The following PARVB variants were observed in gnomAD, a reference collection of about 807,000 sequenced individuals.
PARVB encodes parvin beta.
A neutral mutation model predicts 47.0 loss-of-function variants in PARVB; 46 were observed. That is an observed-to-expected ratio of 0.98 (90% confidence interval 0.77 to 1.25). The LOEUF (loss-of-function observed/expected upper bound fraction) is 1.25. PARVB is among the 50% of genes most tolerant of loss of function. The probability of loss-of-function intolerance (pLI) is 0.00; values close to 1 mark genes in which losing one functional copy is unlikely to be tolerated. For missense variants in PARVB, 473 were observed against 471.6 expected, an observed-to-expected ratio of 1.00 and a Z score of -0.03; for synonymous variants, 196 against 196.3, an observed-to-expected ratio of 1.00 and a Z score of 0.01.
At chr22:44,030,898 C>G (rs1391685487) in intron 1 of PARVB, among the ~76,000 whole-genome samples, 1 of 151,984 alleles carries the variant, frequency 6.6e-6, no homozygotes, top group East Asian at 1.9e-4. Flanking sequence ...TTGGGAAGGC[C>G]AGCGGGCCTC....
chr22:44,024,569 C>A, intron 1 of PARVB, 118 bp downstream of exon 1: 1 of 374,458 alleles, frequency 2.7e-6, no homozygotes, highest in African/African-American at 2.2e-5. Flanking sequence ...CCGGCCCACG[C>A]GGCTGCGCGA....
At chr22:44,022,408 T>A (rs1450018501), upstream of PARVB, among the ~76,000 whole-genome samples, 7 of 152,108 alleles carry the variant, frequency 4.6e-5, no homozygotes, top group Admixed American at 4.6e-4. Context: ...ATCCACATGG[T>A]CCCTGTCCCT....
At chr22:44,044,027 TA>T (rs1350656414) in intron 1 of PARVB, among the ~76,000 whole-genome samples, 1 of 152,114 alleles carries the variant, frequency 6.6e-6, no homozygotes, top group African/African-American at 2.4e-5. Flanking sequence ...TTGAGATAGG[TA>T]TGATAATATG....
intron 1 of PARVB, among the ~76,000 whole-genome samples, chr22:44,039,360 G>A (rs2050976607): frequency 6.6e-6 from 1 of 152,062 alleles, no homozygotes; most frequent in Non-Finnish European, 1.5e-5. Flanking sequence ...AGACCAGTCT[G>A]GCCAACATGA....
At chr22:44,067,136 C>T (rs1300800177) in intron 1 of PARVB, among the ~76,000 whole-genome samples, 1 of 152,190 alleles carries the variant, frequency 6.6e-6, no homozygotes, top group African/African-American at 2.4e-5. Context: ...ACCACTGTGC[C>T]AGGCCCCTTT....
rs909852 is a variant in PARVB, at chr22:44,155,036, G to T, written c.844-2946G>T. 2.4e-5 allele frequency among the ~76,000 whole-genome samples: 1 copy of T among 40,912 alleles called. No homozygotes were observed. The highest frequency in any genetic ancestry group is 5.0e-5 in the Non-Finnish European group (1 of 19,892). 26.8% of individuals were successfully genotyped at this position (40,912 alleles called of 152,430 possible). A position where few individuals can be genotyped will look rare whatever the true frequency, so the allele number is the denominator to read the frequency against. On this transcript the variant is annotated intron_variant, in intron 10 of 12. Transcript: ENST00000338758. The surrounding 1 kb of genome is among the most constrained non-coding windows in gnomAD (Gnocchi z 4.8). Reference sequence around the variant, plus strand: ...GTGTGTGGTTTTTGTAGTCTGTGTGGTGTGTGTGTGTGTGTGTGTGTGGTT... The same window carrying T: ...GTGTGTGGTTTTTGTAGTCTGTGTGTTGTGTGTGTGTGTGTGTGTGTGGTT...
intron 1 of PARVB, among the ~76,000 whole-genome samples, chr22:44,043,613 G>A (rs557581009): frequency 2.3e-4 from 35 of 152,236 alleles, no homozygotes; most frequent in Admixed American, 4.6e-4. Context: ...TCCTGACCCC[G>A]TGATCCGTCT....
chr22:44,088,893 G>C (rs1311542483), intron 1 of PARVB, among the ~76,000 whole-genome samples: 3 of 152,204 alleles, frequency 2.0e-5, no homozygotes, highest in African/African-American at 7.2e-5. Flanking sequence ...AGCAATATGG[G>C]TTGGACAAGT....
At chr22:44,114,140 G>T (rs35305032) in intron 3 of PARVB, 1 of 58,310 alleles carries the variant, frequency 1.7e-5, no homozygotes, top group African/African-American at 8.8e-5. Flanking sequence ...ACACAGATAC[G>T]TTGTTACTAA....
In PARVB at chr22:44,161,935, T is replaced by C. The variant is rs565670966; in HGVS notation, c.946-1923T>C. 2.0e-5 allele frequency among the ~76,000 whole-genome samples: 3 copies of C among 152,332 alleles called. No individual in the cohort carries two copies. The East Asian group carries it at 5.8e-4, about 29-fold the overall frequency. On this transcript the variant is annotated intron_variant, in intron 11 of 12. Coordinates refer to ENST00000338758, the MANE Select transcript of PARVB (RefSeq NM_013327.5). ...TCCTGCAGGGTTGGGGTGTCTGCCA[T>C]GTGGCCCAGTGTTCCCATTGGCAGT...
At chr22:44,046,652 C>G (rs1601522979) in intron 1 of PARVB, among the ~76,000 whole-genome samples, 1 of 152,228 alleles carries the variant, frequency 6.6e-6, no homozygotes, top group Admixed American at 6.5e-5. Context: ...CCACACAGTC[C>G]CTGGACACAC....
chr22:44,156,577 G>C (rs1197195604), intron 10 of PARVB, among the ~76,000 whole-genome samples: 1 of 152,128 alleles, frequency 6.6e-6, no homozygotes, highest in Non-Finnish European at 1.5e-5. Flanking sequence ...GCGCCTAGAA[G>C]TTTTTACTTT....
intron 12 of PARVB, chr22:44,168,377 T>C: frequency 1.9e-6 from 1 of 517,086 alleles, no homozygotes; most frequent in Non-Finnish European, 3.5e-6. Context: ...CCCAGGTGCC[T>C]GTCCCCGCAG....
chr22:44,165,346 A>G (rs2147189338), intron 12 of PARVB, among the ~76,000 whole-genome samples: 1 of 152,278 alleles, frequency 6.6e-6, no homozygotes. Flanking sequence ...TGTCCCCTGC[A>G]TGCCGGTGCT....
At chr22:44,148,138 C>A in intron 9 of PARVB, 1 of 578,666 alleles carries the variant, frequency 1.7e-6, no homozygotes, top group East Asian at 2.9e-5. Context: ...TCTTCCTGCC[C>A]GCCCGCTCCG....
intron 1 of PARVB, among the ~76,000 whole-genome samples, chr22:44,090,442 C>G (rs1226006105): frequency 1.3e-5 from 2 of 152,220 alleles, no homozygotes; most frequent in African/African-American, 4.8e-5. Context: ...AATCCCTGGC[C>G]CTGTTTAGTG....
chr22:44,025,815 G>C (rs2050718667), intron 1 of PARVB, among the ~76,000 whole-genome samples: 1 of 152,170 alleles, frequency 6.6e-6, no homozygotes. Flanking sequence ...GATTATAGAC[G>C]CAAGTGACGC....
chr22:44,139,915 T>A, intron 7 of PARVB: 1 of 395,362 alleles, frequency 2.5e-6, no homozygotes, highest in Non-Finnish European at 4.7e-6. Context: ...TGTGCAAACA[T>A]TAATAATTCA....
intron 1 of PARVB, among the ~76,000 whole-genome samples, chr22:44,059,200 C>T (rs1406626969): frequency 1.3e-5 from 2 of 152,088 alleles, no homozygotes; most frequent in Non-Finnish European, 1.5e-5. Flanking sequence ...CATCCGCCAC[C>T]ACACCCAGCT....
Sources: gnomAD v4.1 joint callset for allele counts (sites outside exome capture counted in the v4.1 genomes callset) on GRCh38, gnomAD v4.1.1 for gene constraint, Gnocchi (gnomAD v3.1) non-coding constraint, MANE v1.5 for transcripts, NCBI Gene and HGNC (gene_info 2026-07-23, HGNC 2026-07-21) for gene names.